The following KCTD14 variants were observed in gnomAD, a reference collection of about 807,000 sequenced individuals.
KCTD14 encodes the protein BTB/POZ domain-containing protein KCTD14.
In KCTD14, 7 loss-of-function variants were observed where a neutral mutation model predicts 5.9. The ratio of observed to expected loss-of-function variants is 1.19; its 90% confidence interval spans 0.68 to 2.23. KCTD14 has a LOEUF of 2.23. Among genes scored for constraint, KCTD14 ranks in the 30% most tolerant of loss-of-function variants. The pLI, the probability that KCTD14 is intolerant of heterozygous loss-of-function variation, is 0.00. For synonymous variants in KCTD14, 140 were observed against 133.1 expected (o/e 1.05, Z -0.36); for missense variants, 342 against 332.2 (o/e 1.03, Z -0.23).
chr11:78,022,819 G>A, intron 1 of KCTD14: 2 of 242,626 alleles, frequency 8.2e-6, no homozygotes, highest in South Asian at 2.1e-4. Context: ...GAGAAGGTGG[G>A]GCAGAGGAGG....
chr11:78,026,307 C>T (rs189649090), upstream of KCTD14, among the ~76,000 whole-genome samples: 1 of 151,904 alleles, frequency 6.6e-6, no homozygotes, highest in Admixed American at 6.6e-5. Flanking sequence ...CATGGTGGTG[C>T]GTGCCTGTAT....
chr11:78,044,800 G>A (rs781051204), intron 1 of KCTD14, among the ~76,000 whole-genome samples: 2 of 152,088 alleles, frequency 1.3e-5, no homozygotes, highest in Non-Finnish European at 2.9e-5. Flanking sequence ...AGAGGACCAA[G>A]CAGGTGACTT....
In KCTD14 at chr11:78,017,119, C is replaced by T. The variant is rs77687067; in HGVS notation, c.242G>A (p.Arg81His). Residue 81 changes from arginine (R) to histidine (H), a missense_variant, in exon 2 of 2, where the codon CGC (arginine) becomes CAC (histidine). Physicochemically the swap from Arg to His is conservative, Grantham distance 29. Transcript: ENST00000353172. ...TDAEGRFFID[R>H]PSTYFRPILD... The stretch of plus-strand genomic sequence containing the variant: ...GATGGGTCTGAAATAGGTGCTGGGG[C>T]GGTCGATGAAGAAGCGGCCCTCCGC... 6.0e-5 allele frequency: 97 copies of T among 1,613,976 alleles called. No individual in the cohort carries two copies. Among genetic ancestry groups the T allele is most frequent in the South Asian group, 5.5e-4 (50 of 91,082 alleles).
At chr11:78,041,716 T>C (rs1857998245) in intron 1 of KCTD14, among the ~76,000 whole-genome samples, 1 of 152,250 alleles carries the variant, frequency 6.6e-6, no homozygotes, top group Admixed American at 6.5e-5. Context: ...CCACCACTGC[T>C]GTTTGCCACT....
At chr11:78,021,647 G>T (rs1032288560) in intron 1 of KCTD14, among the ~76,000 whole-genome samples, 7 of 152,116 alleles carry the variant, frequency 4.6e-5, no homozygotes, top group Non-Finnish European at 5.9e-5. Context: ...TCGAACGCCT[G>T]AGGTAGGTGG....
intron 1 of KCTD14, among the ~76,000 whole-genome samples, chr11:78,021,109 C>T (rs1348939878): frequency 6.6e-6 from 1 of 151,896 alleles, no homozygotes; most frequent in Non-Finnish European, 1.5e-5. Flanking sequence ...TCAAGACTAG[C>T]CTGGACAACA....
intron 2 of KCTD14, among the ~76,000 whole-genome samples, chr11:78,030,236 G>C (rs1261869450): frequency 6.6e-6 from 1 of 152,104 alleles, no homozygotes; most frequent in Non-Finnish European, 1.5e-5. Context: ...CAGTTTTCCA[G>C]TGACATTAGC....
upstream of KCTD14, among the ~76,000 whole-genome samples, chr11:78,025,112 GTGTGTGTATATATATATATATATATATA>G (rs1324508275): frequency 1.5e-5 from 1 of 68,682 alleles, no homozygotes; most frequent in African/African-American, 6.6e-5. Flanking sequence ...GTGTGTGTGT[GTGTGTGTATATATATATATATATATATA>G]TATATATATA....
chr11:78,026,268 C>T (rs4945239), upstream of KCTD14, among the ~76,000 whole-genome samples: 13,561 of 151,676 alleles, frequency 0.089, 989 homozygotes, highest in Admixed American at 0.24. Context: ...GAAACCCCAT[C>T]TCTACTAAAA....
chr11:78,045,500 T>C (rs950112248), intron 1 of KCTD14, among the ~76,000 whole-genome samples: 1 of 152,182 alleles, frequency 6.6e-6, no homozygotes, highest in African/African-American at 2.4e-5. Flanking sequence ...AGGCTCAACA[T>C]CCTCCTGACC....
chr11:78,024,396 A>AT (rs1565311446), upstream of KCTD14, among the ~76,000 whole-genome samples: 62 of 99,916 alleles, frequency 6.2e-4, no homozygotes, highest in African/African-American at 2.1e-3. Context: ...AAAAAAAAAA[A>AT]AATATATATA....
intron 2 of KCTD14, among the ~76,000 whole-genome samples, chr11:78,028,602 C>CAA (rs56160318): frequency 2.8e-5 from 3 of 106,052 alleles, no homozygotes; most frequent in Admixed American, 1.0e-4. Flanking sequence ...GTGTCCATCT[C>CAA]AAAAAAAAAA....
At position 78,042,903 on chromosome 11, in the gene KCTD14, C is replaced by T. The variant is rs966067511; in HGVS notation, c.-96+3158G>A. The stretch of plus-strand genomic sequence containing the variant: ...CCCGGTGTGCCATTTATATAGCTTG[C>T]GAAGAAGCTGGCCACCCCACCCTAA... On this transcript the variant is annotated intron_variant, in intron 1 of 2. Coordinates refer to the KCTD14 transcript ENST00000533144. 4.6e-5 allele frequency among the ~76,000 whole-genome samples: 7 copies of T among 152,294 alleles called. No individual in the cohort carries two copies. In the South Asian group the frequency reaches 1.0e-3, roughly 23 times the overall value.
chr11:78,018,000 G>A (rs1857216544), intron 1 of KCTD14, among the ~76,000 whole-genome samples: 1 of 152,140 alleles, frequency 6.6e-6, no homozygotes, highest in South Asian at 2.1e-4. Context: ...AGGAGGCTGA[G>A]GCACAAGAAT....
At chr11:78,026,137 G>A (rs1857456518), upstream of KCTD14, among the ~76,000 whole-genome samples, 1 of 152,112 alleles carries the variant, frequency 6.6e-6, no homozygotes, top group Non-Finnish European at 1.5e-5. Context: ...ATATATTCAA[G>A]GAGACATAAG....
At chr11:78,025,836 G>A (rs1181927637), upstream of KCTD14, among the ~76,000 whole-genome samples, 1 of 152,144 alleles carries the variant, frequency 6.6e-6, no homozygotes. Context: ...TTAAGTGTGG[G>A]TTATGCGCCG....
chr11:78,036,282 G>A (rs1305583235), intron 2 of KCTD14, among the ~76,000 whole-genome samples: 1 of 152,230 alleles, frequency 6.6e-6, no homozygotes, highest in African/African-American at 2.4e-5. Flanking sequence ...GTGCACACAT[G>A]TGCATGCATT....
Position 78,018,694 on chromosome 11 carries a change from G to A in KCTD14, c.91-1424C>T, listed in dbSNP as rs72943034. Among the ~76,000 whole-genome samples the A allele has an allele frequency of 3.7e-3, 481 of 131,116 alleles. 2 individuals carry two copies. The highest frequency in any genetic ancestry group is 3.6e-3 in the Non-Finnish European group (224 of 62,038). The allele number at this position is 131,116 out of a possible 152,430, so 86.0% of individuals were successfully genotyped here. ...CGCACTCCAGCCTGCGCGACAGAAT[G>A]AGAGTCCAACTCAAAAAAAAAAATA... On this transcript the variant is annotated intron_variant, in intron 1 of 1. Transcript: ENST00000353172.
chr11:78,016,542 T>C lies in KCTD14; in HGVS notation c.*51A>G. 1 of 1,512,428 alleles carries C rather than the reference T, an allele frequency of 6.6e-7. No homozygotes were observed. The highest frequency in any genetic ancestry group is 9.0e-7 in the Non-Finnish European group (1 of 1,113,462). The allele number at this position is 1,512,428 out of a possible 1,614,324, so 93.7% of individuals were successfully genotyped here. ...AAAGAAAATGGCTTTGATGGCAACT[T>C]TTAATTTCATAAGCCACGCCAGAAT... On this transcript the variant is annotated 3_prime_UTR_variant, in exon 2 of 2. Transcript: ENST00000353172.
Sources: allele counts gnomAD v4.1 joint callset (sites outside exome capture counted in the v4.1 genomes callset), GRCh38; gene constraint gnomAD v4.1.1; transcripts MANE v1.5; gene names NCBI Gene and HGNC (gene_info 2026-07-23, HGNC 2026-07-21).